TRPM6: variants seen among roughly 807,000 people sequenced by gnomAD.
TRPM6 encodes the protein channel kinase 2.
TRPM6 carries 111 observed loss-of-function variants against 247.6 expected under a neutral mutation model. The observed-to-expected ratio is 0.45, with a 90% CI of 0.38 to 0.52. TRPM6 has a LOEUF of 0.52. TRPM6 is among the 20% of genes least tolerant of loss of function. The pLI is 0.00. For synonymous variants in TRPM6, 892 were observed against 853.8 expected, an observed-to-expected ratio of 1.04 and a Z score of -0.78; for missense variants, 2,126 against 2,421.5, an observed-to-expected ratio of 0.88 and a Z score of 2.56.
At position 74,834,118 on chromosome 9, in the gene TRPM6, C is replaced by T. The variant is rs1221678972; in HGVS notation, c.549G>A (p.Val183=). The change falls in exon 6 of 39, where the codon GTG becomes GTA. Residue 183 remains valine (V), a synonymous_variant. Coordinates refer to ENST00000360774, the MANE Select transcript of TRPM6 (RefSeq NM_017662.5). ...TCAAGGCATCCCCAACATGCTTGGACACTCCTATGAACAACCAGTTTAGAA... is the reference window on the plus strand; with the variant it reads ...TCAAGGCATCCCCAACATGCTTGGATACTCCTATGAACAACCAGTTTAGAA... ...WIITEGINTG[V]SKHVGDALKS... The T allele has an allele frequency of 1.2e-6, 2 of 1,613,884 alleles. No homozygotes were observed. The highest frequency in any genetic ancestry group is 1.7e-5 in the Admixed American group (1 of 59,994).
chr9:74,830,684 C>A (rs1829511201), intron 6 of TRPM6, among the ~76,000 whole-genome samples: 1 of 151,482 alleles, frequency 6.6e-6, no homozygotes, highest in African/African-American at 2.4e-5. Context: ...TCAAGCAATC[C>A]TTCCACCTCA....
chr9:74,849,487 A>G (rs1830224823), intron 3 of TRPM6, among the ~76,000 whole-genome samples: 1 of 152,158 alleles, frequency 6.6e-6, no homozygotes, highest in Non-Finnish European at 1.5e-5. Context: ...TGAAGACACA[A>G]TAAGAAGGTG....
intron 1 of TRPM6, chr9:74,887,130 A>G: frequency 1.5e-6 from 1 of 681,614 alleles, no homozygotes; most frequent in Non-Finnish European, 2.1e-6. Context: ...GTTGCGCCAT[A>G]TGCCAGCGGT....
At chr9:74,859,384 C>T (rs1830626865) in intron 1 of TRPM6, among the ~76,000 whole-genome samples, 2 of 152,210 alleles carry the variant, frequency 1.3e-5, no homozygotes, top group Admixed American at 1.3e-4. Flanking sequence ...AGCTATATTA[C>T]AAGTCCAGTG....
chr9:74,794,751 T>C (rs893695591), intron 18 of TRPM6, among the ~76,000 whole-genome samples: 6 of 152,266 alleles, frequency 3.9e-5, no homozygotes, highest in Non-Finnish European at 5.9e-5. Context: ...CACCAATTGC[T>C]ATGATGAAGA....
rs376014459 is a variant in TRPM6 at position 74,724,761 on chromosome 9, A to C, written c.5936-15T>G. The C allele has an allele frequency of 2.0e-5, 32 of 1,614,072 alleles. No individual in the cohort carries two copies. The highest frequency in any genetic ancestry group is 1.7e-4 in the Admixed American group (10 of 60,016). On this transcript the variant is annotated splice_polypyrimidine_tract_variant and intron_variant, in intron 38 of 38. Coordinates refer to ENST00000360774, the MANE Select transcript of TRPM6 (RefSeq NM_017662.5). ...TCTTTTTAAATCTGCAAGGAGGACA[A>C]GTAAAAAGGTTATAGTGGAACCCCA...
In TRPM6 at chr9:74,762,034, T is replaced by G; in HGVS notation, c.4637A>C (p.Lys1546Thr). The G allele has an allele frequency of 6.2e-7, 1 of 1,614,220 alleles. No individual in the cohort carries two copies. Among genetic ancestry groups the G allele is most frequent in the East Asian group, 2.2e-5 (1 of 44,888 alleles). Residue 1546 changes from lysine to threonine, a missense_variant, in exon 26 of 39, where the codon AAG becomes ACG. Lys to Thr is a moderately conservative substitution (Grantham distance 78). Coordinates refer to ENST00000360774, the MANE Select transcript of TRPM6 (RefSeq NM_017662.5). Reference sequence around the variant, plus strand: ...ACAGATCTTCATCAATTTCTCCTCCTTATGGAATCTAAAACTATGACTCCT... The same window carrying G: ...ACAGATCTTCATCAATTTCTCCTCCGTATGGAATCTAAAACTATGACTCCT... ...FARSHSFRFHKEEKLMKICKI... is the reference protein window; with the variant it reads ...FARSHSFRFHTEEKLMKICKI...
At chr9:74,820,184 C>T (rs1829089211) in intron 9 of TRPM6, 120 bp downstream of exon 9, 4 of 1,136,696 alleles carry the variant, frequency 3.5e-6, no homozygotes, top group African/African-American at 1.5e-5. Context: ...TGACAGGCCC[C>T]TGTATGTTGT....
intron 1 of TRPM6, 167 bp downstream of exon 1, chr9:74,887,652 TGGGTG>T: frequency 6.3e-7 from 1 of 1,587,234 alleles, no homozygotes; most frequent in East Asian, 2.3e-5. Context: ...TAATCATCTT[TGGGTG>T]GAGACCAGAG....
chr9:74,818,902 T>C (rs1297299186), intron 9 of TRPM6, among the ~76,000 whole-genome samples: 1 of 152,012 alleles, frequency 6.6e-6, no homozygotes, highest in Non-Finnish European at 1.5e-5. Flanking sequence ...ATTACCAAAA[T>C]TCTTATACAA....
chr9:74,834,599 C>T (rs915580860), intron 5 of TRPM6, among the ~76,000 whole-genome samples: 18 of 151,442 alleles, frequency 1.2e-4, no homozygotes, highest in African/African-American at 4.4e-4. Flanking sequence ...CTAATGTTAG[C>T]CCTCCCCCAG....
At position 74,802,011 on chromosome 9, in the gene TRPM6, C is replaced by T. The variant is rs1462457677; in HGVS notation, c.1896G>A (p.Glu632=). The change falls in exon 16 of 39, where the codon GAG becomes GAA. Residue 632 remains glutamate (E), a synonymous_variant. Coordinates refer to ENST00000360774, the MANE Select transcript of TRPM6 (RefSeq NM_017662.5). ...KMAMFFWQHG[E]EATVKAVIAC... is the part of the protein sequence containing the mutation. ...CAATCACGGCTTTAACCGTGGCCTC[C>T]TCTCCATGCTGCCAGAAGAACATAG... 1 of 1,614,228 alleles carries T rather than the reference C, an allele frequency of 6.2e-7. No individual in the cohort carries two copies. Among genetic ancestry groups the T allele is most frequent in the Non-Finnish European group, 8.5e-7 (1 of 1,180,036 alleles).
chr9:74,749,008 G>A (rs796811895), intron 30 of TRPM6, among the ~76,000 whole-genome samples: 14 of 152,136 alleles, frequency 9.2e-5, no homozygotes, highest in African/African-American at 3.4e-4. Context: ...TATTTTTACT[G>A]TACTTTTTTT....
At chr9:74,864,636 T>C (rs1830788319) in intron 1 of TRPM6, among the ~76,000 whole-genome samples, 1 of 152,232 alleles carries the variant, frequency 6.6e-6, no homozygotes, top group African/African-American at 2.4e-5. Flanking sequence ...ATTTAGCTGG[T>C]AGTAATTTAT....
intron 36 of TRPM6, chr9:74,737,331 A>G: frequency 3.9e-6 from 5 of 1,269,884 alleles, no homozygotes; most frequent in Non-Finnish European, 5.1e-6. Context: ...CACAAGTTTC[A>G]ATCAAAGTAC....
At position 74,727,662 on chromosome 9, in the gene TRPM6, G is replaced by C. The variant is rs570056006; in HGVS notation, c.5935+577C>G. ...AAACAGAGCCAGGACTGCCCATTTGGAGGGCACAGGCCTCCAGCTGCTTGC... is the reference window on the plus strand; with the variant it reads ...AAACAGAGCCAGGACTGCCCATTTGCAGGGCACAGGCCTCCAGCTGCTTGC... On this transcript the variant is annotated intron_variant, in intron 38 of 38. Coordinates refer to ENST00000360774, the MANE Select transcript of TRPM6 (RefSeq NM_017662.5). 2.0e-5 allele frequency among the ~76,000 whole-genome samples: 3 copies of C among 152,292 alleles called. No individual in the cohort carries two copies. In the South Asian group the frequency reaches 6.2e-4, roughly 32 times the overall value.
In TRPM6 at chr9:74,812,355, C is replaced by T; in HGVS notation, c.1387G>A (p.Gly463Arg). The T allele has an allele frequency of 6.2e-7, 1 of 1,613,962 alleles. No homozygotes were observed. The highest frequency in any genetic ancestry group is 8.5e-7 in the Non-Finnish European group (1 of 1,179,926). ...GTAAGAAAGCGATGGAGGTTCACTC[C>T]ATATTCTATTAAGAGCTTCACAAAA... ...VDFVKLLIEY[G>R]VNLHRFLTIP... Residue 463 changes from glycine (G) to arginine (R), a missense_variant, in exon 12 of 39, where the codon GGA becomes AGA. Physicochemically the swap from Gly to Arg is moderately radical, Grantham distance 125 (BLOSUM62 -2). Around this residue, in one of 3 missense-constraint regions of TRPM6, gnomAD observed 1,082 missense variants for 1,307.9 expected, o/e 0.83. Coordinates refer to ENST00000360774, the MANE Select transcript of TRPM6 (RefSeq NM_017662.5).
At chr9:74,761,571 C>A (rs1303235793) in intron 27 of TRPM6, 125 bp downstream of exon 27, 6 of 721,466 alleles carry the variant, frequency 8.3e-6, no homozygotes, top group Non-Finnish European at 1.5e-5. Flanking sequence ...CAAATTATAT[C>A]TTCAATCCTT....
chr9:74,858,818 C>T, intron 1 of TRPM6, 70 bp from the exon 2 acceptor site: 1 of 1,286,668 alleles, frequency 7.8e-7, no homozygotes, highest in Non-Finnish European at 1.1e-6. Flanking sequence ...GTAGTTCCTG[C>T]AGGTAAGAAA....
Sources: allele counts gnomAD v4.1 joint callset (sites outside exome capture counted in the v4.1 genomes callset), GRCh38; gene constraint gnomAD v4.1.1; regional missense constraint gnomAD v4.1.1; transcripts MANE v1.5; gene names NCBI Gene and HGNC (gene_info 2026-07-23, HGNC 2026-07-21).